Variants in NPIPB11 observed in about 807,000 individuals in gnomAD.
The protein encoded by NPIPB11 is nuclear pore complex interacting protein family member B11, also known as nuclear pore complex-interacting protein family member B11.
NPIPB11 carries 17 observed loss-of-function variants against 32.8 expected under a neutral mutation model. The observed-to-expected ratio is 0.52, with a 90% confidence interval of 0.35 to 0.78. NPIPB11 has a LOEUF of 0.78. Among genes scored for constraint, NPIPB11 ranks in the 30% least tolerant of loss-of-function variants. NPIPB11 has a pLI of 0.01. For missense variants in NPIPB11, 537 were observed against 1,000.4 expected (o/e 0.54, Z 6.25); for synonymous variants, 209 against 398.4 (o/e 0.52, Z 5.66).
intron 2 of NPIPB11, among the ~76,000 whole-genome samples, chr16:29,400,083 A>G (rs984033730): frequency 6.6e-6 from 1 of 151,640 alleles, no homozygotes; most frequent in African/African-American, 2.4e-5. Context: ...CTCTGTCTCA[A>G]AAAAAAAGAA....
At chr16:29,389,457 T>A (rs1253650881) in intron 5 of NPIPB11, among the ~76,000 whole-genome samples, 1 of 145,066 alleles carries the variant, frequency 6.9e-6, no homozygotes, top group South Asian at 2.2e-4. Flanking sequence ...GTGGATTACC[T>A]GAGGTCAGAA....
exon 8 of NPIPB11, chr16:29,383,145 A>G (rs769032097): frequency 1.3e-6 from 2 of 1,593,258 alleles, no homozygotes; most frequent in South Asian, 1.1e-5. Flanking sequence ...TGAGATTATC[A>G]TCCGCTGAGG....
Position 29,394,536 on chromosome 16 carries a change from G to A in NPIPB11, c.121-460C>T, listed in dbSNP as rs1963803979. ...TACAACCTCCAGCTCCTGGGCTCAA[G>A]CCATTCTCCTGCCTCAGCCTCCCGA... On this transcript the variant is annotated intron_variant, in intron 2 of 7. Transcript: ENST00000524087. Among the ~76,000 whole-genome samples, 3 of 151,048 alleles carry A rather than the reference G, an allele frequency of 2.0e-5. No homozygotes were observed. In the South Asian group the frequency reaches 6.3e-4, roughly 32 times the overall value.
chr16:29,401,804 C>A (rs1252638230), intron 2 of NPIPB11, among the ~76,000 whole-genome samples: 1 of 152,026 alleles, frequency 6.6e-6, no homozygotes. Flanking sequence ...GAGGCTGCTC[C>A]TTTATTCTCG....
upstream of NPIPB11, among the ~76,000 whole-genome samples, chr16:29,404,651 C>T (rs1261502372): frequency 1.5e-4 from 22 of 150,988 alleles, no homozygotes; most frequent in East Asian, 1.6e-3. Context: ...TGGGTAGTTC[C>T]GGCCTGGAGG....
intron 2 of NPIPB11, among the ~76,000 whole-genome samples, chr16:29,402,170 A>G (rs925716479): frequency 3.5e-5 from 5 of 143,938 alleles, no homozygotes; most frequent in East Asian, 4.6e-4. Context: ...TAAATGAAAT[A>G]TAAGTGCATG....
At chr16:29,395,063 T>TA (rs1360590119) in intron 2 of NPIPB11, among the ~76,000 whole-genome samples, 1 of 135,574 alleles carries the variant, frequency 7.4e-6, no homozygotes. Context: ...CCTAATGTTT[T>TA]AAGAAAGTTT....
chr16:29,389,388 A>T (rs1208802770), intron 5 of NPIPB11, among the ~76,000 whole-genome samples: 8 of 140,956 alleles, frequency 5.7e-5, no homozygotes, highest in Non-Finnish European at 9.3e-5. Flanking sequence ...AAAAAAAAAA[A>T]AAAGGCTGGC....
chr16:29,406,570 C>T (rs541005660), upstream of NPIPB11, among the ~76,000 whole-genome samples: 1 of 152,278 alleles, frequency 6.6e-6, no homozygotes, highest in South Asian at 2.1e-4. Flanking sequence ...AAAAATTAGC[C>T]ATGCCTGGTG....
At chr16:29,402,722 CTCTGTGTGTG>C (rs1318992427) in intron 2 of NPIPB11, among the ~76,000 whole-genome samples, 12 of 113,754 alleles carry the variant, frequency 1.1e-4, no homozygotes, top group African/African-American at 3.7e-4. Flanking sequence ...CTCTCTCTCT[CTCTGTGTGTG>C]TGTGTGTGTG....
intron 2 of NPIPB11, chr16:29,397,718 G>A: frequency 2.2e-6 from 1 of 454,282 alleles, no homozygotes; most frequent in Admixed American, 3.8e-5. Context: ...GGAGGGAAGG[G>A]GACGGGGACC....
exon 8 of NPIPB11, chr16:29,382,315 T>A (rs1963515363): frequency 6.3e-7 from 1 of 1,575,584 alleles, no homozygotes; most frequent in Admixed American, 1.8e-5. Context: ...TGTCTTGATA[T>A]TATCATCTGC....
intron 2 of NPIPB11, among the ~76,000 whole-genome samples, chr16:29,395,809 T>A (rs1963839046): frequency 6.7e-6 from 1 of 149,510 alleles, no homozygotes; most frequent in Admixed American, 6.6e-5. Flanking sequence ...GAAACCCATC[T>A]CTACTAAAAA....
chr16:29,389,885 C>T (rs1416901401), intron 5 of NPIPB11, 56 bp downstream of exon 5: 81 of 1,570,112 alleles, frequency 5.2e-5, no homozygotes, highest in Middle Eastern at 4.6e-4. Flanking sequence ...TTACAGTTGT[C>T]TACTTTGATT....
At chr16:29,397,751 G>A (rs1355299782) in intron 2 of NPIPB11, 4 of 258,972 alleles carry the variant, frequency 1.5e-5, no homozygotes, top group Admixed American at 6.4e-5. Context: ...GAGTTGGGGA[G>A]GGGGAGGGGA....
chr16:29,389,910 A>G (rs1963670916), intron 5 of NPIPB11, 31 bp downstream of exon 5: 1 of 1,583,432 alleles, frequency 6.3e-7, no homozygotes, highest in Non-Finnish European at 8.6e-7. Context: ...CATGGTTCCT[A>G]CAACAGTATT....
At chr16:29,394,921 T>G (rs200735808) in intron 2 of NPIPB11, among the ~76,000 whole-genome samples, 7,732 of 147,802 alleles carry the variant, frequency 0.052, 258 homozygotes, top group Admixed American at 0.11. Flanking sequence ...AATTTTTGTA[T>G]TTTTTGTGGA....
At chr16:29,382,967 C>G (rs1963524068) in exon 8 of NPIPB11, 1 of 1,355,946 alleles carries the variant, frequency 7.4e-7, no homozygotes. Flanking sequence ...GAGGGTGGAG[C>G]TGAGGGTGGA....
chr16:29,393,728 A>G (rs1963777337), intron 3 of NPIPB11, among the ~76,000 whole-genome samples: 1 of 152,156 alleles, frequency 6.6e-6, no homozygotes. Context: ...ATTTTTGACC[A>G]AAAGCTCTGT....
Sources: gnomAD v4.1 joint callset for allele counts (sites outside exome capture counted in the v4.1 genomes callset) on GRCh38, gnomAD v4.1.1 for gene constraint, MANE v1.5 for transcripts, NCBI Gene and HGNC (gene_info 2026-07-23, HGNC 2026-07-21) for gene names.